Variants in MAPKAP1 observed in about 807,000 individuals in gnomAD.
MAPKAP1 encodes the protein target of rapamycin complex 2 subunit MAPKAP1.
Under a neutral mutation model 65.7 loss-of-function variants are expected in MAPKAP1, and 20 were observed. The observed-to-expected ratio is 0.30, with a 90% CI of 0.21 to 0.44. The LOEUF (loss-of-function observed/expected upper bound fraction) is 0.44. Among genes scored for constraint, MAPKAP1 ranks in the 20% least tolerant of loss-of-function variants. The pLI, the probability that MAPKAP1 is intolerant of heterozygous loss-of-function variation, is 1.00. For missense variants in MAPKAP1, 423 were observed against 648.0 expected, an observed-to-expected ratio of 0.65 and a Z score of 3.77; for synonymous variants, 222 against 244.3, an observed-to-expected ratio of 0.91 and a Z score of 0.85.
chr9:125,655,401 C>T (rs1377878426), intron 4 of MAPKAP1, among the ~76,000 whole-genome samples: 1 of 152,102 alleles, frequency 6.6e-6, no homozygotes, highest in Non-Finnish European at 1.5e-5. Flanking sequence ...CTAGAGGCAG[C>T]CATGGTGCTG....
At chr9:125,685,517 T>C (rs1834949296) in intron 1 of MAPKAP1, among the ~76,000 whole-genome samples, 1 of 152,248 alleles carries the variant, frequency 6.6e-6, no homozygotes, top group African/African-American at 2.4e-5. Context: ...CTTTAGCTTT[T>C]ACTCCAAGTG....
intron 7 of MAPKAP1, among the ~76,000 whole-genome samples, chr9:125,534,554 A>C (rs1326011317): frequency 6.6e-6 from 1 of 152,176 alleles, no homozygotes; most frequent in Non-Finnish European, 1.5e-5. Flanking sequence ...GGGCTCCACT[A>C]TCTGTTGGAC....
At chr9:125,443,123 C>T (rs1216839093) in intron 11 of MAPKAP1, among the ~76,000 whole-genome samples, 1 of 152,226 alleles carries the variant, frequency 6.6e-6, no homozygotes, top group African/African-American at 2.4e-5. Flanking sequence ...CACGTGGAGC[C>T]TCTGGCCCAG....
intron 7 of MAPKAP1, among the ~76,000 whole-genome samples, chr9:125,528,703 T>C (rs1170219917): frequency 1.3e-5 from 2 of 149,314 alleles, no homozygotes; most frequent in Non-Finnish European, 3.0e-5. Flanking sequence ...AAAAATTAGC[T>C]GGGCGTGGTG....
intron 1 of MAPKAP1, among the ~76,000 whole-genome samples, chr9:125,678,725 G>A (rs973038506): frequency 6.6e-6 from 1 of 152,116 alleles, no homozygotes; most frequent in South Asian, 2.1e-4. Context: ...TGGTAACTAG[G>A]AACATGTTCT....
chr9:125,448,899 G>C (rs1319688407), intron 10 of MAPKAP1, among the ~76,000 whole-genome samples: 2 of 151,788 alleles, frequency 1.3e-5, no homozygotes, highest in African/African-American at 4.8e-5. Context: ...CAGCTACTTG[G>C]GAGGCTGAGG....
At chr9:125,603,776 G>A (rs1276231926) in intron 4 of MAPKAP1, among the ~76,000 whole-genome samples, 1 of 152,172 alleles carries the variant, frequency 6.6e-6, no homozygotes, top group African/African-American at 2.4e-5. Context: ...TTCCCCTGCT[G>A]CGAACACAGG....
chr9:125,641,443 T>G (rs1421657986), intron 4 of MAPKAP1, among the ~76,000 whole-genome samples: 1 of 152,250 alleles, frequency 6.6e-6, no homozygotes, highest in Non-Finnish European at 1.5e-5. Flanking sequence ...TTCATTGTTT[T>G]AAAAAGCAGA....
At position 125,539,248 on chromosome 9, in the gene MAPKAP1, C is replaced by A. The variant is rs1422150777; in HGVS notation, c.958+3811G>T. ...TATTTTAAGAACTTTTTAAAAGAAT[C>A]TTCAGACTAATAAAAATTTGTCTTT... On this transcript the variant is annotated intron_variant, in intron 7 of 11. Coordinates refer to ENST00000265960, the MANE Select transcript of MAPKAP1 (RefSeq NM_001006617.3). Among the ~76,000 whole-genome samples the A allele has an allele frequency of 5.4e-4, 82 of 152,266 alleles. 1 individual carries two copies. The highest frequency in any genetic ancestry group is 1.2e-4 in the Non-Finnish European group (8 of 68,022).
intron 4 of MAPKAP1, among the ~76,000 whole-genome samples, chr9:125,620,256 T>A (rs1478117051): frequency 1.3e-5 from 2 of 152,076 alleles, no homozygotes; most frequent in Admixed American, 1.3e-4. Context: ...TTAAGTGAGC[T>A]GAGATCGCAC....
At chr9:125,603,319 T>C (rs945033073) in intron 4 of MAPKAP1, among the ~76,000 whole-genome samples, 1 of 152,176 alleles carries the variant, frequency 6.6e-6, no homozygotes, top group African/African-American at 2.4e-5. Context: ...TATCTGTTAC[T>C]AAATCTGGCT....
intron 9 of MAPKAP1, among the ~76,000 whole-genome samples, chr9:125,476,026 C>T (rs967994431): frequency 4.6e-5 from 7 of 152,184 alleles, no homozygotes; most frequent in Non-Finnish European, 2.9e-5. Flanking sequence ...TCTCAGCCAC[C>T]TGAGGAACCT....
chr9:125,462,186 C>T (rs1057136363), intron 10 of MAPKAP1, among the ~76,000 whole-genome samples: 10 of 152,160 alleles, frequency 6.6e-5, no homozygotes, highest in Non-Finnish European at 1.5e-5. Context: ...AATCAGGTGG[C>T]GAGGATCCGA....
At chr9:125,547,897 G>T (rs1315323157) in intron 6 of MAPKAP1, among the ~76,000 whole-genome samples, 1 of 152,194 alleles carries the variant, frequency 6.6e-6, no homozygotes, top group Non-Finnish European at 1.5e-5. Context: ...CACTGGCTTT[G>T]CATGATGATA....
intron 4 of MAPKAP1, among the ~76,000 whole-genome samples, chr9:125,611,120 A>G (rs1832588333): frequency 6.6e-6 from 1 of 152,216 alleles, no homozygotes; most frequent in Non-Finnish European, 1.5e-5. Flanking sequence ...ATAAAGCATA[A>G]ATAAAGCAAA....
intron 6 of MAPKAP1, among the ~76,000 whole-genome samples, chr9:125,555,282 C>T (rs147368627): frequency 7.0e-4 from 106 of 152,296 alleles, no homozygotes; most frequent in African/African-American, 2.4e-3. Context: ...ATTTAAGAAA[C>T]TCCCTCATGA....
intron 1 of MAPKAP1, among the ~76,000 whole-genome samples, chr9:125,686,191 T>C (rs371712072): frequency 2.6e-4 from 39 of 148,684 alleles, no homozygotes; most frequent in East Asian, 2.4e-3. Context: ...GTGGTGGTGG[T>C]GGGCGCCTGT....
chr9:125,707,052 G>A lies in MAPKAP1; in HGVS notation c.-151C>T. ...AGGGCCCGGCTCCCCCACGCCTCCC[G>A]GCCCCTGCCCCGAGCTCTGCACTCT... On this transcript the variant is annotated 5_prime_UTR_variant, in exon 1 of 12. Coordinates refer to ENST00000265960, the MANE Select transcript of MAPKAP1 (RefSeq NM_001006617.3). The A allele has an allele frequency of 2.5e-6, 1 of 397,678 alleles. No homozygotes were observed. Among genetic ancestry groups the A allele is most frequent in the Non-Finnish European group, 4.4e-6 (1 of 225,622 alleles). 24.6% of individuals were successfully genotyped at this position (397,678 alleles called of 1,614,324 possible). A position where few individuals can be genotyped will look rare whatever the true frequency, so the allele number is the denominator to read the frequency against.
At chr9:125,536,414 G>T (rs1830074055) in intron 7 of MAPKAP1, among the ~76,000 whole-genome samples, 1 of 152,154 alleles carries the variant, frequency 6.6e-6, no homozygotes, top group Non-Finnish European at 1.5e-5. Flanking sequence ...ATTTACTGTA[G>T]CATTTTCCCA....
Sources: gnomAD v4.1 joint callset for allele counts (sites outside exome capture counted in the v4.1 genomes callset) on GRCh38, gnomAD v4.1.1 for gene constraint, MANE v1.5 for transcripts, NCBI Gene and HGNC (gene_info 2026-07-23, HGNC 2026-07-21) for gene names.